CELF2: variants seen among roughly 807,000 people sequenced by gnomAD.
CELF2 encodes the protein CUG triplet repeat RNA-binding protein 2.
A neutral mutation model predicts 62.6 loss-of-function variants in CELF2; 8 were observed. The observed-to-expected ratio is 0.13, with a 90% CI of 0.07 to 0.23. The LOEUF is 0.23. Among genes scored for constraint, CELF2 ranks in the 10% least tolerant of loss-of-function variants. The pLI, the probability that CELF2 is intolerant of heterozygous loss-of-function variation, is 1.00. For missense variants in CELF2, 333 were observed against 671.0 expected (o/e 0.50, Z 5.56); for synonymous variants, 258 against 250.0 (o/e 1.03, Z -0.30).
intron 2 of CELF2, among the ~76,000 whole-genome samples, chr10:11,194,585 T>C: frequency 6.6e-6 from 1 of 152,136 alleles, no homozygotes; most frequent in Non-Finnish European, 1.5e-5. Context: ...CAAAGCGAGC[T>C]GCACAAAGGG....
chr10:10,671,353 C>T, the CELF2 span, among the ~76,000 whole-genome samples: 1 of 152,154 alleles, frequency 6.6e-6, no homozygotes, highest in Admixed American at 6.6e-5. Context: ...TGAAGGACCT[C>T]TTGTTGCTTC....
At chr10:10,507,890 G>A in the CELF2 span, among the ~76,000 whole-genome samples, 1 of 152,106 alleles carries the variant, frequency 6.6e-6, no homozygotes, top group Non-Finnish European at 1.5e-5. Context: ...TTAGTCATTG[G>A]AAAGAGTCAA....
chr10:10,916,178 G>T (rs1406308747), intron 1 of CELF2, among the ~76,000 whole-genome samples: 1 of 152,170 alleles, frequency 6.6e-6, no homozygotes, highest in African/African-American at 2.4e-5. Flanking sequence ...TTTAACAGTA[G>T]TAAACAGATA....
In CELF2 at chr10:11,296,518, G is replaced by GA. The variant is rs2093202649; in HGVS notation, c.976+7970dup. 6.6e-6 allele frequency among the ~76,000 whole-genome samples: 1 copy of GA among 152,154 alleles called. No individual in the cohort carries two copies. Reference sequence around the variant, plus strand: ...TGCTTAATTGTGTTATATTAGGTGGGAAAATCAGCAAAGCTTTATTCTAGT... The same window carrying GA: ...TGCTTAATTGTGTTATATTAGGTGGGAAAAATCAGCAAAGCTTTATTCTAGT... On this transcript the variant is annotated intron_variant, in intron 9 of 12. Transcript: ENST00000633077. This position sits in a 1 kb window ranked among gnomAD's most constrained non-coding sequence, Gnocchi z 5.0.
chr10:11,143,598 C>T (rs1362311579), intron 1 of CELF2, among the ~76,000 whole-genome samples: 1 of 152,180 alleles, frequency 6.6e-6, no homozygotes, highest in African/African-American at 2.4e-5. Context: ...TTTCCTCTTC[C>T]CTTATTTGTA....
At chr10:10,882,926 A>G (rs1371026767) in intron 1 of CELF2, among the ~76,000 whole-genome samples, 1 of 152,210 alleles carries the variant, frequency 6.6e-6, no homozygotes, top group Non-Finnish European at 1.5e-5. Context: ...ACTAAATAGT[A>G]AAGTTCACTT....
chr10:10,882,041 AG>A (rs1428477399), intron 1 of CELF2, among the ~76,000 whole-genome samples: 1 of 152,238 alleles, frequency 6.6e-6, no homozygotes. Context: ...AATCTGGCAA[AG>A]CCAGCGGATT....
rs2093281231 is a variant in CELF2 at position 11,297,199 on chromosome 10, T to C, written c.976+8647T>C. 6.6e-6 allele frequency among the ~76,000 whole-genome samples: 1 copy of C among 152,152 alleles called. No homozygotes were observed. The highest frequency in any genetic ancestry group is 1.5e-5 in the Non-Finnish European group (1 of 68,016). ...TTGAGGAGGAAGCTGTCATATAAAA[T>C]GATCGGACGTGGCACATGGAGAGCT... On this transcript the variant is annotated intron_variant, in intron 9 of 12. Transcript: ENST00000633077. This position sits in a 1 kb window ranked among gnomAD's most constrained non-coding sequence, Gnocchi z 4.4.
chr10:10,522,746 T>G, the CELF2 span, among the ~76,000 whole-genome samples: 3 of 152,112 alleles, frequency 2.0e-5, no homozygotes, highest in Non-Finnish European at 1.5e-5. Context: ...ATTTTTATAT[T>G]TTTAGTAGAG....
chr10:10,798,950 T>G (rs2054353106), intron 1 of CELF2: 1 of 397,058 alleles, frequency 2.5e-6, no homozygotes, highest in East Asian at 3.6e-5. Flanking sequence ...TGCGCAGATC[T>G]GCTAGTGGGA....
At chr10:11,014,991 C>T (rs1029703183), upstream of CELF2, among the ~76,000 whole-genome samples, 4 of 152,160 alleles carry the variant, frequency 2.6e-5, no homozygotes, top group East Asian at 5.8e-4. Context: ...TGTCACCAAC[C>T]GGTTCATATC....
chr10:10,549,849 G>C, the CELF2 span, among the ~76,000 whole-genome samples: 2 of 152,158 alleles, frequency 1.3e-5, no homozygotes, highest in Admixed American at 1.3e-4. Context: ...GCTCATAAAA[G>C]GTAGGTTCCC....
the CELF2 span, among the ~76,000 whole-genome samples, chr10:10,519,708 G>T: frequency 6.6e-6 from 1 of 152,194 alleles, no homozygotes. Context: ...GACTGGTCAT[G>T]GGTTGAAAGA....
the CELF2 span, among the ~76,000 whole-genome samples, chr10:10,646,671 G>A: frequency 6.6e-6 from 1 of 152,160 alleles, no homozygotes; most frequent in Admixed American, 6.5e-5. Flanking sequence ...TTTGTTTCAT[G>A]GAATATTTAT....
chr10:11,036,635 G>A (rs1018459799), intron 1 of CELF2, among the ~76,000 whole-genome samples: 1 of 152,232 alleles, frequency 6.6e-6, no homozygotes, highest in Non-Finnish European at 1.5e-5. Context: ...ACCTGGTGGT[G>A]TATTGATCCC....
intron 1 of CELF2, among the ~76,000 whole-genome samples, chr10:11,053,344 A>G (rs887245451): frequency 2.6e-5 from 4 of 152,178 alleles, no homozygotes; most frequent in Non-Finnish European, 4.4e-5. Context: ...AGTATTTTCT[A>G]GTGCATGAAT....
chr10:10,921,981 G>A (rs1352844482), intron 2 of CELF2, among the ~76,000 whole-genome samples: 1 of 152,192 alleles, frequency 6.6e-6, no homozygotes, highest in Non-Finnish European at 1.5e-5. Flanking sequence ...AGCAGAGTGA[G>A]CCCAATGTTG....
At position 11,191,260 on chromosome 10, in the gene CELF2, A is replaced by G. The variant is rs998320125; in HGVS notation, c.271+25578A>G. On this transcript the variant is annotated intron_variant, in intron 2 of 12. Coordinates refer to ENST00000633077, the MANE Select transcript of CELF2 (RefSeq NM_001326342.2). The surrounding 1 kb of genome is among the most constrained non-coding windows in gnomAD (Gnocchi z 4.1). ...CCTACTTAGATGGTTCTCTCTAGCT[A>G]TGGGGCTTGGAGAGTAAATGGGCAG... Among the ~76,000 whole-genome samples the G allele has an allele frequency of 1.3e-5, 2 of 152,190 alleles. No individual in the cohort carries two copies. The highest frequency in any genetic ancestry group is 2.4e-5 in the African/African-American group (1 of 41,516).
At chr10:10,485,519 G>C in the CELF2 span, among the ~76,000 whole-genome samples, 1 of 152,342 alleles carries the variant, frequency 6.6e-6, no homozygotes, top group African/African-American at 2.4e-5. Context: ...TCACAAAGCA[G>C]TCCAATGGAT....
Sources: allele counts gnomAD v4.1 joint callset (sites outside exome capture counted in the v4.1 genomes callset), GRCh38; gene constraint gnomAD v4.1.1; non-coding constraint Gnocchi (gnomAD v3.1); transcripts MANE v1.5; gene names NCBI Gene and HGNC (gene_info 2026-07-23, HGNC 2026-07-21).